The following PAN3 variants were observed in gnomAD, a reference collection of about 807,000 sequenced individuals.
PAN3 encodes the protein PAN2-PAN3 deadenylation complex subunit PAN3.
Under a neutral mutation model 96.2 loss-of-function variants are expected in PAN3, and 19 were observed. That is an observed-to-expected ratio of 0.20 (90% CI 0.14 to 0.29). PAN3 has a LOEUF of 0.29. PAN3 is among the 10% of genes least tolerant of loss of function. PAN3 has a pLI of 1.00. For synonymous variants in PAN3, 433 were observed against 406.6 expected (o/e 1.06, Z -0.78); for missense variants, 882 against 1,108.1 (o/e 0.80, Z 2.90).
intron 17 of PAN3, among the ~76,000 whole-genome samples, chr13:28,285,995 T>C (rs543818435): frequency 3.0e-4 from 45 of 152,352 alleles, no homozygotes; most frequent in African/African-American, 1.1e-3. Flanking sequence ...AAAAGATTTC[T>C]GATACTTAGC....
intron 9 of PAN3, among the ~76,000 whole-genome samples, chr13:28,265,511 A>T (rs543211056): frequency 6.6e-6 from 1 of 152,226 alleles, no homozygotes; most frequent in Non-Finnish European, 1.5e-5. Flanking sequence ...TCTCTCAGCT[A>T]TGCAATCCTT....
At chr13:28,157,892 G>C (rs372214567) in intron 1 of PAN3, among the ~76,000 whole-genome samples, 24 of 152,306 alleles carry the variant, frequency 1.6e-4, no homozygotes, top group African/African-American at 5.5e-4. Context: ...AGCCTGAATA[G>C]CCAAAGCAAT....
chr13:28,239,688 C>G (rs1313621698), intron 6 of PAN3: 3 of 1,283,102 alleles, frequency 2.3e-6, no homozygotes, highest in Non-Finnish European at 3.1e-6. Flanking sequence ...TTGGACAGCT[C>G]TATGAGGGGT....
chr13:28,260,658 T>A, intron 8 of PAN3, 107 bp downstream of exon 8: 2 of 914,926 alleles, frequency 2.2e-6, no homozygotes, highest in South Asian at 1.6e-5. Flanking sequence ...TCAAATATGC[T>A]CTAGTAAAGC....
intron 17 of PAN3, among the ~76,000 whole-genome samples, chr13:28,286,791 T>C (rs1175387316): frequency 1.3e-5 from 2 of 152,200 alleles, no homozygotes; most frequent in Non-Finnish European, 2.9e-5. Context: ...TTCATTTTAA[T>C]TGGAAGTCCT....
chr13:28,158,744 G>C (rs1256092109), intron 1 of PAN3, among the ~76,000 whole-genome samples: 4 of 152,030 alleles, frequency 2.6e-5, no homozygotes, highest in African/African-American at 7.2e-5. Context: ...TGGGTGTGGT[G>C]GTGGGCGCCT....
intron 6 of PAN3, among the ~76,000 whole-genome samples, chr13:28,245,005 C>T (rs1435111273): frequency 6.6e-6 from 1 of 151,974 alleles, no homozygotes; most frequent in South Asian, 2.1e-4. Flanking sequence ...TGCGTCACCA[C>T]GCCCGGCTTA....
intron 6 of PAN3, among the ~76,000 whole-genome samples, chr13:28,242,579 G>C (rs1045146414): frequency 6.6e-6 from 1 of 152,144 alleles, no homozygotes; most frequent in Admixed American, 6.5e-5. Flanking sequence ...TCATCAAGAA[G>C]GTATTTCAGA....
rs376753074 is a variant in PAN3, at chr13:28,197,786, G to A, written c.852+440G>A. Among the ~76,000 whole-genome samples, 35 of 152,112 alleles carry A rather than the reference G, an allele frequency of 2.3e-4. No homozygotes were observed. The East Asian group carries it at 4.1e-3, about 18-fold the overall frequency. On this transcript the variant is annotated intron_variant, in intron 5 of 18. Transcript: ENST00000380958. ...GGGTCTCGCCATGTTGGCCAGGCTG[G>A]TCTCGAACTCCTACCTCAGGTGATC...
chr13:28,240,510 A>G (rs912438190), intron 6 of PAN3, among the ~76,000 whole-genome samples: 2 of 152,236 alleles, frequency 1.3e-5, no homozygotes, highest in African/African-American at 4.8e-5. Context: ...TTGAAAATAT[A>G]TAGGAGTAAT....
intron 5 of PAN3, among the ~76,000 whole-genome samples, chr13:28,217,594 AAAAC>A (rs1880943350): frequency 6.7e-6 from 1 of 148,738 alleles, no homozygotes; most frequent in South Asian, 2.1e-4. Context: ...AAACAAAAAA[AAAAC>A]AAAAAAAAAA....
chr13:28,260,678 T>C lies in PAN3; in HGVS notation c.1353+127T>C, dbSNP rs1593586587. 6.9e-6 allele frequency: 5 copies of C among 722,170 alleles called. No homozygotes were observed. The East Asian group carries it at 1.5e-4, about 21-fold the overall frequency. The allele number at this position is 722,170 out of a possible 1,614,324, so 44.7% of individuals were successfully genotyped here. A position where few individuals can be genotyped will look rare whatever the true frequency, so the allele number is the denominator to read the frequency against. On this transcript the variant is annotated intron_variant, in intron 8 of 18. Transcript: ENST00000380958. ...TATGCTCTAGTAAAGCACATCGAAT[T>C]TAGAAGTTTTAATTGGTATTTTTTT...
At chr13:28,213,040 A>C (rs1255120169) in intron 5 of PAN3, among the ~76,000 whole-genome samples, 2 of 152,172 alleles carry the variant, frequency 1.3e-5, no homozygotes, top group Admixed American at 1.3e-4. Context: ...AAAACAAAAC[A>C]AAACCATTTT....
chr13:28,174,424 TG>T, intron 2 of PAN3, 31 bp downstream of exon 2: 1 of 1,604,660 alleles, frequency 6.2e-7, no homozygotes, highest in Non-Finnish European at 8.5e-7. Context: ...TATTGCACTA[TG>T]AAGTTTATTC....
At chr13:28,160,846 T>A (rs1394518726) in intron 1 of PAN3, among the ~76,000 whole-genome samples, 9 of 152,330 alleles carry the variant, frequency 5.9e-5, no homozygotes, top group African/African-American at 2.2e-4. Flanking sequence ...CTCACTTTAG[T>A]TGTGGCATAA....
At chr13:28,284,988 A>G (rs1868800133) in intron 17 of PAN3, among the ~76,000 whole-genome samples, 1 of 152,146 alleles carries the variant, frequency 6.6e-6, no homozygotes, top group African/African-American at 2.4e-5. Context: ...ATGGTATGTC[A>G]TTCTATTTGT....
At chr13:28,260,119 G>A (rs114192154) in intron 7 of PAN3, among the ~76,000 whole-genome samples, 2,319 of 152,154 alleles carry the variant, frequency 0.015, 65 homozygotes, top group African/African-American at 0.053. Context: ...TAGTCAGGCT[G>A]GGTGTGGTGG....
intron 4 of PAN3, among the ~76,000 whole-genome samples, chr13:28,189,795 A>G (rs887656588): frequency 2.0e-5 from 3 of 152,172 alleles, no homozygotes; most frequent in African/African-American, 7.2e-5. Context: ...ACCTCGCTCT[A>G]AGGCCTACCG....
chr13:28,139,209 G>T (rs1869251016), intron 1 of PAN3, 122 bp downstream of exon 1: 3 of 1,112,004 alleles, frequency 2.7e-6, no homozygotes, highest in Admixed American at 8.5e-5. Flanking sequence ...TCCCAAGGCG[G>T]TCTGAGAGGC....
Sources: gnomAD v4.1 joint callset for allele counts (sites outside exome capture counted in the v4.1 genomes callset) on GRCh38, gnomAD v4.1.1 for gene constraint, MANE v1.5 for transcripts, NCBI Gene and HGNC (gene_info 2026-07-23, HGNC 2026-07-21) for gene names.